CCDC102B: variants seen among roughly 807,000 people sequenced by gnomAD.
The protein encoded by CCDC102B is coiled-coil domain containing 102B.
In CCDC102B, 75 loss-of-function variants were observed where a neutral mutation model predicts 57.4. The observed-to-expected ratio is 1.31, with a 90% CI of 1.08 to 1.58. The LOEUF (loss-of-function observed/expected upper bound fraction) is 1.58. Ranked by LOEUF, CCDC102B falls within the 40% of genes most tolerant of loss-of-function variation. The pLI is 0.00. For synonymous variants in CCDC102B, 206 were observed against 201.9 expected, an observed-to-expected ratio of 1.02 and a Z score of -0.17; for missense variants, 636 against 582.6, an observed-to-expected ratio of 1.09 and a Z score of -0.94.
At chr18:68,897,700 C>T (rs1272510187) in intron 6 of CCDC102B, 37 of 1,248,560 alleles carry the variant, frequency 3.0e-5, no homozygotes, top group Admixed American at 4.6e-5. Flanking sequence ...ATAGAACTTT[C>T]TGGTTTTTTG....
chr18:68,942,335 AAAG>A (rs2049400745), intron 6 of CCDC102B, among the ~76,000 whole-genome samples: 1 of 152,082 alleles, frequency 6.6e-6, no homozygotes, highest in Admixed American at 6.6e-5. Context: ...AGACTTGAGA[AAAG>A]AAAGAGACAG....
intron 2 of CCDC102B, among the ~76,000 whole-genome samples, chr18:68,730,836 A>G (rs1370390162): frequency 1.3e-5 from 2 of 152,194 alleles, no homozygotes; most frequent in African/African-American, 4.8e-5. Flanking sequence ...CGCATCCTGT[A>G]TCAATATAAG....
intron 7 of CCDC102B, among the ~76,000 whole-genome samples, chr18:69,051,747 C>A (rs757290595): frequency 6.6e-6 from 1 of 151,856 alleles, no homozygotes; most frequent in Non-Finnish European, 1.5e-5. Context: ...AGAATTTTGA[C>A]ATATGACAGA....
At chr18:69,008,535 A>T (rs1430425347) in intron 6 of CCDC102B, among the ~76,000 whole-genome samples, 1 of 152,208 alleles carries the variant, frequency 6.6e-6, no homozygotes, top group Non-Finnish European at 1.5e-5. Context: ...ACAGAAACTA[A>T]AAATGTCCCC....
chr18:68,989,899 C>T (rs1313781675), intron 6 of CCDC102B, among the ~76,000 whole-genome samples: 1 of 152,182 alleles, frequency 6.6e-6, no homozygotes, highest in African/African-American at 2.4e-5. Context: ...CAGTCCCTTC[C>T]ATACAGAATT....
intron 6 of CCDC102B, among the ~76,000 whole-genome samples, chr18:68,998,995 TATATAGAGAGAGAGAGAGAG>T (rs1343233269): frequency 5.9e-4 from 25 of 42,560 alleles, no homozygotes; most frequent in African/African-American, 1.4e-3. Context: ...TATATATATA[TATATAGAGAGAGAGAGAGAG>T]AGAGAGAGAG....
intron 6 of CCDC102B, among the ~76,000 whole-genome samples, chr18:68,963,632 C>A (rs1051571880): frequency 1.3e-5 from 2 of 151,828 alleles, no homozygotes; most frequent in Non-Finnish European, 2.9e-5. Flanking sequence ...TGGCCTCCTA[C>A]TTAGAGAATA....
intron 2 of CCDC102B, among the ~76,000 whole-genome samples, chr18:68,724,970 G>C (rs1301250099): frequency 6.6e-6 from 1 of 152,154 alleles, no homozygotes; most frequent in African/African-American, 2.4e-5. Flanking sequence ...AGGTTTAATT[G>C]ACTCACAATT....
At chr18:68,883,260 A>C (rs921106706) in intron 5 of CCDC102B, among the ~76,000 whole-genome samples, 1 of 151,972 alleles carries the variant, frequency 6.6e-6, no homozygotes, top group East Asian at 1.9e-4. Flanking sequence ...AAATACAAAA[A>C]AATTGCCAGG....
intron 4 of CCDC102B, among the ~76,000 whole-genome samples, chr18:68,868,238 A>T (rs2039088650): frequency 6.6e-6 from 1 of 152,126 alleles, no homozygotes; most frequent in Admixed American, 6.5e-5. Flanking sequence ...AAACTTTAAA[A>T]ATTAAAAATA....
At chr18:69,052,532 G>A (rs1165956189) in intron 7 of CCDC102B, among the ~76,000 whole-genome samples, 6 of 151,734 alleles carry the variant, frequency 4.0e-5, no homozygotes, top group Admixed American at 2.6e-4. Flanking sequence ...GTGTGTGCAC[G>A]TGTGTATCAA....
At chr18:68,797,334 G>A (rs1265854922), upstream of CCDC102B, among the ~76,000 whole-genome samples, 2 of 152,088 alleles carry the variant, frequency 1.3e-5, no homozygotes, top group African/African-American at 4.8e-5. Flanking sequence ...AGGCTATCCT[G>A]TTACCTTTTG....
chr18:68,995,855 T>A (rs1337993470), intron 6 of CCDC102B, among the ~76,000 whole-genome samples: 2 of 152,064 alleles, frequency 1.3e-5, no homozygotes, highest in African/African-American at 4.8e-5. Context: ...AACCGTGTGC[T>A]TGGAAAAGTC....
chr18:68,788,220 A>C (rs1256231402), intron 2 of CCDC102B, among the ~76,000 whole-genome samples: 1 of 152,104 alleles, frequency 6.6e-6, no homozygotes, highest in Admixed American at 6.6e-5. Flanking sequence ...CTGATCTTTT[A>C]CATTTGCTGA....
intron 6 of CCDC102B, among the ~76,000 whole-genome samples, chr18:68,901,961 T>A (rs915145151): frequency 6.6e-6 from 1 of 152,310 alleles, no homozygotes; most frequent in East Asian, 1.9e-4. Flanking sequence ...CTGATCTGCT[T>A]CTGTAGGTCT....
chr18:68,944,100 T>G (rs540203039), intron 6 of CCDC102B, among the ~76,000 whole-genome samples: 34 of 152,218 alleles, frequency 2.2e-4, no homozygotes, highest in Middle Eastern at 3.4e-3. Flanking sequence ...TGGGCTCCTT[T>G]GAAATGCTGA....
intron 1 of CCDC102B, 83 bp from the exon 2 acceptor site, chr18:68,836,660 CAAAAAA>C (rs56673640): frequency 5.0e-4 from 348 of 699,974 alleles, no homozygotes; most frequent in East Asian, 6.0e-4. Flanking sequence ...CATCAATTTT[CAAAAAA>C]AAAAAAAAAA....
intron 2 of CCDC102B, among the ~76,000 whole-genome samples, chr18:68,734,154 G>GGTT (rs1338942777): frequency 1.3e-5 from 2 of 152,166 alleles, no homozygotes; most frequent in East Asian, 3.9e-4. Flanking sequence ...AGTTAGTAAT[G>GGTT]GTTGCTATAG....
chr18:68,956,456 ATATTTT>A (rs2049876141), intron 6 of CCDC102B, among the ~76,000 whole-genome samples: 1 of 9,040 alleles, frequency 1.1e-4, no homozygotes, highest in Admixed American at 2.2e-3. Context: ...TATATATTAT[ATATTTT>A]ATATATATAT....
Sources: gnomAD v4.1 joint callset for allele counts (sites outside exome capture counted in the v4.1 genomes callset) on GRCh38, gnomAD v4.1.1 for gene constraint, MANE v1.5 for transcripts, NCBI Gene and HGNC (gene_info 2026-07-23, HGNC 2026-07-21) for gene names.